Variants in VOPP1 observed in about 807,000 individuals in gnomAD.
VOPP1 encodes the protein VOPP1 WW domain binding protein.
In VOPP1, 8 loss-of-function variants were observed where a neutral mutation model predicts 23.5. That is an observed-to-expected ratio of 0.34 (90% confidence interval 0.20 to 0.61). The LOEUF is 0.61. Among genes scored for constraint, VOPP1 ranks in the 20% least tolerant of loss-of-function variants. The probability of loss-of-function intolerance (pLI) is 0.78; values close to 1 mark genes in which losing one functional copy is unlikely to be tolerated. For synonymous variants in VOPP1, 83 were observed against 97.3 expected (o/e 0.85, Z 0.86); for missense variants, 174 against 238.1 (o/e 0.73, Z 1.77).
intron 4 of VOPP1, among the ~76,000 whole-genome samples, chr7:55,444,717 T>TC (rs1051956360): frequency 3.0e-4 from 45 of 149,794 alleles, no homozygotes; most frequent in Non-Finnish European, 5.2e-4. Context: ...TAGAAACTCT[T>TC]TTTTTTTTTT....
At chr7:55,565,598 T>C (rs910831799) in intron 1 of VOPP1, among the ~76,000 whole-genome samples, 5 of 152,174 alleles carry the variant, frequency 3.3e-5, no homozygotes, top group Non-Finnish European at 7.3e-5. Context: ...TAATGTGAAA[T>C]TGGAAACAAT....
chr7:55,535,783 G>A (rs558162546), intron 1 of VOPP1, among the ~76,000 whole-genome samples: 1 of 152,330 alleles, frequency 6.6e-6, no homozygotes, highest in Non-Finnish European at 1.5e-5. Flanking sequence ...ATGGGAAGGA[G>A]TGGGCTGCCC....
chr7:55,482,745 T>C (rs1792837486), intron 4 of VOPP1, among the ~76,000 whole-genome samples: 1 of 152,098 alleles, frequency 6.6e-6, no homozygotes, highest in Admixed American at 6.5e-5. Flanking sequence ...CTGAGATGCA[T>C]GTGAACATTG....
intron 1 of VOPP1, among the ~76,000 whole-genome samples, chr7:55,556,382 C>T (rs1043286634): frequency 1.3e-5 from 2 of 152,154 alleles, no homozygotes; most frequent in Non-Finnish European, 2.9e-5. Context: ...ATTCCATGAG[C>T]CAAAATTCTC....
intron 4 of VOPP1, among the ~76,000 whole-genome samples, chr7:55,440,246 T>C (rs1178922327): frequency 6.6e-6 from 1 of 152,112 alleles, no homozygotes; most frequent in South Asian, 2.1e-4. Flanking sequence ...TGAGTGGAAA[T>C]GCTGGCCGGG....
intron 2 of VOPP1, among the ~76,000 whole-genome samples, chr7:55,509,538 G>A (rs938554041): frequency 6.6e-6 from 1 of 152,064 alleles, no homozygotes; most frequent in African/African-American, 2.4e-5. Flanking sequence ...TAATACATTG[G>A]GTGTTAGGTT....
chr7:55,558,845 A>C (rs777104261), intron 1 of VOPP1, among the ~76,000 whole-genome samples: 53 of 152,322 alleles, frequency 3.5e-4, no homozygotes, highest in Non-Finnish European at 6.6e-4. Context: ...ACAAAGAGCT[A>C]TTTTAGTGTT....
chr7:55,571,153 C>T (rs1466366833), intron 1 of VOPP1, among the ~76,000 whole-genome samples: 3 of 152,112 alleles, frequency 2.0e-5, no homozygotes, highest in African/African-American at 7.2e-5. Flanking sequence ...TCCACAAAAA[C>T]ATTAAATACC....
chr7:55,515,775 G>T (rs12718971), intron 2 of VOPP1, among the ~76,000 whole-genome samples: 40,190 of 152,166 alleles, frequency 0.26, 6,682 homozygotes, highest in Non-Finnish European at 0.38. Flanking sequence ...AATGCTCCCT[G>T]CAGACACCTG....
chr7:55,551,811 G>A (rs1584106953), intron 1 of VOPP1, among the ~76,000 whole-genome samples: 1 of 152,116 alleles, frequency 6.6e-6, no homozygotes, highest in African/African-American at 2.4e-5. Context: ...AGGCCCAGGA[G>A]CGTGGATCAC....
chr7:55,509,134 C>T (rs1366868322), intron 2 of VOPP1, among the ~76,000 whole-genome samples: 2 of 152,096 alleles, frequency 1.3e-5, no homozygotes, highest in Non-Finnish European at 2.9e-5. Flanking sequence ...CTGAGTTTGG[C>T]AATGAGATCA....
chr7:55,467,975 A>C (rs145638770), downstream of VOPP1, among the ~76,000 whole-genome samples: 2 of 152,378 alleles, frequency 1.3e-5, no homozygotes, highest in African/African-American at 4.8e-5. Flanking sequence ...ACATTTTTTA[A>C]CAGGAGAAAA....
intron 1 of VOPP1, among the ~76,000 whole-genome samples, chr7:55,544,704 A>C (rs1418830044): frequency 6.6e-6 from 1 of 152,222 alleles, no homozygotes. Context: ...AGGCTTCCGC[A>C]GAGTTGGTGG....
chr7:55,540,467 T>C (rs1562612857), intron 1 of VOPP1, among the ~76,000 whole-genome samples: 1 of 151,946 alleles, frequency 6.6e-6, no homozygotes. Context: ...TCCCATTCCG[T>C]CCTTGTGTTT....
At chr7:55,473,417 C>T (rs977404766) in intron 4 of VOPP1, among the ~76,000 whole-genome samples, 1 of 152,242 alleles carries the variant, frequency 6.6e-6, no homozygotes, top group African/African-American at 2.4e-5. Context: ...CCCCTCTGGG[C>T]ACGCCATTGG....
chr7:55,490,007 C>T (rs1178427121), intron 4 of VOPP1, among the ~76,000 whole-genome samples: 2 of 151,876 alleles, frequency 1.3e-5, no homozygotes, highest in African/African-American at 2.4e-5. Flanking sequence ...GGCCTCAGTG[C>T]GATGCAGGAC....
intron 4 of VOPP1, among the ~76,000 whole-genome samples, chr7:55,442,683 G>C (rs1200216718): frequency 2.6e-5 from 4 of 151,358 alleles, no homozygotes; most frequent in African/African-American, 9.7e-5. Flanking sequence ...ATCTGATCAA[G>C]GTTCTCTATC....
intron 1 of VOPP1, among the ~76,000 whole-genome samples, chr7:55,523,210 T>A (rs535990910): frequency 6.6e-6 from 1 of 152,112 alleles, no homozygotes; most frequent in African/African-American, 2.4e-5. Context: ...CAAGATACAG[T>A]GTTAGTGAAA....
intron 1 of VOPP1, among the ~76,000 whole-genome samples, chr7:55,533,840 C>G (rs545198011): frequency 5.3e-5 from 8 of 152,298 alleles, no homozygotes; most frequent in African/African-American, 1.9e-4. Context: ...TCCTCTGATC[C>G]TCCCAGTCTT....
Sources: gnomAD v4.1 joint callset for allele counts (sites outside exome capture counted in the v4.1 genomes callset) on GRCh38, gnomAD v4.1.1 for gene constraint, MANE v1.5 for transcripts, NCBI Gene and HGNC (gene_info 2026-07-23, HGNC 2026-07-21) for gene names.